OPN5: variants seen among roughly 807,000 people sequenced by gnomAD.
OPN5 encodes opsin-5.
Under a neutral mutation model 41.7 loss-of-function variants are expected in OPN5, and 18 were observed. The observed-to-expected ratio is 0.43, with a 90% CI of 0.30 to 0.64. OPN5 has a LOEUF of 0.64. Among genes scored for constraint, OPN5 ranks in the 30% least tolerant of loss-of-function variants. The probability of loss-of-function intolerance (pLI) is 0.13; values close to 1 mark genes in which losing one functional copy is unlikely to be tolerated. For missense variants in OPN5, 318 were observed against 434.5 expected (o/e 0.73, Z 2.38); for synonymous variants, 178 against 164.3 (o/e 1.08, Z -0.64).
chr6:47,817,845 G>A (rs1326773869), intron 6 of OPN5, among the ~76,000 whole-genome samples: 3 of 152,052 alleles, frequency 2.0e-5, no homozygotes, highest in African/African-American at 7.2e-5. Context: ...CACTCTCTAA[G>A]GTATGTTTCA....
chr6:47,818,141 C>T (rs565344455), intron 6 of OPN5, among the ~76,000 whole-genome samples: 9 of 152,124 alleles, frequency 5.9e-5, no homozygotes, highest in South Asian at 2.1e-4. Flanking sequence ...TTCCAATAGC[C>T]GCCCGATCCA....
At chr6:47,796,928 G>A (rs1773590876) in intron 4 of OPN5, among the ~76,000 whole-genome samples, 2 of 152,224 alleles carry the variant, frequency 1.3e-5, no homozygotes, top group Admixed American at 6.5e-5. Context: ...TAGCAATCAT[G>A]GCAGAAGGCA....
intron 4 of OPN5, among the ~76,000 whole-genome samples, chr6:47,799,245 T>C (rs908636073): frequency 1.3e-5 from 2 of 151,772 alleles, no homozygotes; most frequent in Admixed American, 1.3e-4. Flanking sequence ...ATATACATGA[T>C]ATACATGATA....
intron 6 of OPN5, among the ~76,000 whole-genome samples, chr6:47,815,316 A>G (rs1047743470): frequency 2.0e-5 from 3 of 152,104 alleles, no homozygotes; most frequent in Non-Finnish European, 1.5e-5. Context: ...GCCTTTAATG[A>G]CCTTTAGCAA....
rs62397907 is a variant in OPN5 at position 47,802,044 on chromosome 6, C to T, written c.757-6110C>T. ...GCCATAGGCTGAAAGCCTTCTGTAT[C>T]TGAGGAATTTCCAACGTTTTGTGCC... is the stretch of plus-strand genomic sequence containing the variant. On this transcript the variant is annotated intron_variant, in intron 4 of 6. Coordinates refer to ENST00000371211, the Ensembl canonical transcript of OPN5. Among the ~76,000 whole-genome samples the T allele has an allele frequency of 9.8e-3, 1,499 of 152,328 alleles. 13 individuals are homozygous for T. The highest frequency in any genetic ancestry group is 0.02 in the South Asian group (97 of 4,824).
At chr6:47,802,429 C>G (rs1773811230) in intron 4 of OPN5, among the ~76,000 whole-genome samples, 1 of 152,156 alleles carries the variant, frequency 6.6e-6, no homozygotes, top group South Asian at 2.1e-4. Flanking sequence ...GCTTGTAACT[C>G]AGCATCTTGA....
chr6:47,808,572 G>A (rs540994905), intron 5 of OPN5, among the ~76,000 whole-genome samples, 177 bp downstream of exon 5: 1 of 152,286 alleles, frequency 6.6e-6, no homozygotes, highest in South Asian at 2.1e-4. Context: ...CAGCTATGTA[G>A]AGGTTGTATG....
rs1429739339 is a variant in OPN5 at position 47,808,273 on chromosome 6, C to A, written c.876C>A (p.Thr292=). 2.5e-6 allele frequency: 4 copies of A among 1,613,992 alleles called. No homozygotes were observed. The Admixed American group carries it at 6.7e-5, about 27-fold the overall frequency. Residue 292 remains threonine, a synonymous_variant, in exon 5 of 7, where the codon ACC becomes ACA. Coordinates refer to ENST00000371211, the Ensembl canonical transcript of OPN5. Reference sequence around the variant, plus strand: ...CCATACAGCTCTCTGTGGTGCCAACCCTACTTGCAAAATCTGCAGCGATGT... The same window carrying A: ...CCATACAGCTCTCTGTGGTGCCAACACTACTTGCAAAATCTGCAGCGATGT...
intron 4 of OPN5, among the ~76,000 whole-genome samples, chr6:47,796,694 A>G (rs1350231264): frequency 1.3e-5 from 2 of 152,202 alleles, no homozygotes; most frequent in Non-Finnish European, 2.9e-5. Flanking sequence ...CCAGAGAAAC[A>G]CAGTTTCCCC....
At chr6:47,824,300 C>T in exon 7 of OPN5, 1 of 406,722 alleles carries the variant, frequency 2.5e-6, no homozygotes, top group South Asian at 5.0e-5. Context: ...TTCTTCTGAA[C>T]TGGGGCTTGT....
At chr6:47,795,001 A>G (rs1435708135) in intron 3 of OPN5, 2 of 458,138 alleles carry the variant, frequency 4.4e-6, no homozygotes, top group Non-Finnish European at 7.7e-6. Context: ...TCCCTCCCAA[A>G]GCTCCCAGAT....
intron 6 of OPN5, among the ~76,000 whole-genome samples, chr6:47,815,882 G>A (rs148301944): frequency 0.012 from 1,893 of 152,166 alleles, 43 homozygotes; most frequent in African/African-American, 0.043. Flanking sequence ...TATTCTAAAA[G>A]TACTTTAAGA....
At chr6:47,782,255 T>C (rs925809579) in intron 1 of OPN5, 59 bp downstream of exon 1, 3 of 1,541,788 alleles carry the variant, frequency 1.9e-6, no homozygotes, top group East Asian at 2.3e-5. Flanking sequence ...TGGGCTGATA[T>C]GTTAATTTTG....
chr6:47,817,593 C>T (rs1377318949), intron 6 of OPN5, among the ~76,000 whole-genome samples: 1 of 152,028 alleles, frequency 6.6e-6, no homozygotes, highest in African/African-American at 2.4e-5. Flanking sequence ...GAACTTGAGC[C>T]CCATGCCTGA....
chr6:47,793,258 A>G (rs978156605), intron 3 of OPN5, among the ~76,000 whole-genome samples: 4 of 151,972 alleles, frequency 2.6e-5, no homozygotes, highest in African/African-American at 9.7e-5. Context: ...GTTTTTAAAT[A>G]TTTTCTTGAG....
intron 6 of OPN5, among the ~76,000 whole-genome samples, chr6:47,812,435 G>A (rs1015435340): frequency 6.6e-6 from 1 of 152,154 alleles, no homozygotes; most frequent in Non-Finnish European, 1.5e-5. Flanking sequence ...TGAATTTAGT[G>A]AAGATAGCTA....
chr6:47,820,752 T>C (rs1454829741), intron 6 of OPN5, among the ~76,000 whole-genome samples: 3 of 151,922 alleles, frequency 2.0e-5, no homozygotes, highest in Non-Finnish European at 4.4e-5. Flanking sequence ...CATGGTGTAG[T>C]GGAAAAACAA....
chr6:47,810,152 AT>A (rs1327100192), intron 5 of OPN5, among the ~76,000 whole-genome samples: 1 of 152,188 alleles, frequency 6.6e-6, no homozygotes, highest in Non-Finnish European at 1.5e-5. Context: ...AAATATAGCA[AT>A]TGCTCTGCTG....
Position 47,787,158 on chromosome 6 carries a change from G to A in OPN5, c.250+524G>A, listed in dbSNP as rs41273686. 1,950 of 983,554 alleles carry A rather than the reference G, an allele frequency of 2.0e-3. 6 individuals are homozygous for A. Among genetic ancestry groups the A allele is most frequent in the Non-Finnish European group, 1.9e-3 (1,585 of 828,206 alleles). The allele number at this position is 983,554 out of a possible 1,614,324, so 60.9% of individuals were successfully genotyped here. Reference sequence around the variant, plus strand: ...ATCATGACTTAGTGACATATCACAAGCATAGGAAGCTTCTGGTTCAGTGGT... The same window carrying A: ...ATCATGACTTAGTGACATATCACAAACATAGGAAGCTTCTGGTTCAGTGGT... On this transcript the variant is annotated intron_variant, in intron 2 of 6. Coordinates refer to ENST00000371211, the Ensembl canonical transcript of OPN5.
Sources: allele counts gnomAD v4.1 joint callset (sites outside exome capture counted in the v4.1 genomes callset), GRCh38; gene constraint gnomAD v4.1.1; transcripts MANE v1.5; gene names NCBI Gene and HGNC (gene_info 2026-07-23, HGNC 2026-07-21).